The following LRRC4C variants were observed in gnomAD, a reference collection of about 807,000 sequenced individuals.
LRRC4C encodes the protein leucine-rich repeat-containing protein 4C.
LRRC4C carries 5 observed loss-of-function variants against 33.6 expected under a neutral mutation model. That is an observed-to-expected ratio of 0.15 (90% CI 0.08 to 0.31). The LOEUF (loss-of-function observed/expected upper bound fraction) is 0.31. Ranked by LOEUF, LRRC4C falls within the 10% of genes least tolerant of loss-of-function variation. The pLI is 1.00. For missense variants in LRRC4C, 560 were observed against 796.7 expected, an observed-to-expected ratio of 0.70 and a Z score of 3.58; for synonymous variants, 329 against 302.0, an observed-to-expected ratio of 1.09 and a Z score of -0.93.
chr11:40,510,686 C>T (rs1173276183), intron 3 of LRRC4C, among the ~76,000 whole-genome samples: 1 of 152,090 alleles, frequency 6.6e-6, no homozygotes, highest in African/African-American at 2.4e-5. Flanking sequence ...TAGCAACTCA[C>T]AATGTGAGTG....
At chr11:41,225,239 G>A (rs575300438) in intron 1 of LRRC4C, among the ~76,000 whole-genome samples, 83 of 152,122 alleles carry the variant, frequency 5.5e-4, no homozygotes, top group Non-Finnish European at 9.0e-4. Context: ...TAGCACAACA[G>A]GGTGACTATA....
In LRRC4C at chr11:40,552,143, C is replaced by T. The variant is rs976293180; in HGVS notation, c.-270+95999G>A. Reference sequence around the variant, plus strand: ...TTGGACTTCTCAGTCCCCACAAACACATAAGTCAATTTCTTAAAATGACTA... The same window carrying T: ...TTGGACTTCTCAGTCCCCACAAACATATAAGTCAATTTCTTAAAATGACTA... On this transcript the variant is annotated intron_variant, in intron 3 of 6. Transcript: ENST00000528697. Among the ~76,000 whole-genome samples the T allele has an allele frequency of 5.9e-5, 9 of 152,358 alleles. No individual in the cohort carries two copies. In the East Asian group the frequency reaches 1.7e-3, roughly 29 times the overall value.
intron 2 of LRRC4C, among the ~76,000 whole-genome samples, chr11:40,734,859 TC>T (rs1409243485): frequency 6.6e-6 from 1 of 151,930 alleles, no homozygotes; most frequent in African/African-American, 2.4e-5. Context: ...TGAGGGTGTT[TC>T]CAGAAGAGAT....
At chr11:41,271,161 A>G (rs1565535418) in intron 1 of LRRC4C, among the ~76,000 whole-genome samples, 1 of 152,214 alleles carries the variant, frequency 6.6e-6, no homozygotes. Context: ...GTTGCCTCAC[A>G]TACGGTAAAG....
intron 1 of LRRC4C, among the ~76,000 whole-genome samples, chr11:41,015,194 G>A (rs1855492197): frequency 1.3e-5 from 2 of 151,966 alleles, no homozygotes; most frequent in African/African-American, 4.8e-5. Flanking sequence ...AACTCTCTTA[G>A]ATTTAAAATA....
chr11:40,778,093 A>G (rs1197960295), intron 2 of LRRC4C, among the ~76,000 whole-genome samples: 1 of 152,030 alleles, frequency 6.6e-6, no homozygotes, highest in African/African-American at 2.4e-5. Flanking sequence ...TTTTCATCCT[A>G]TTGTGAAACT....
intron 1 of LRRC4C, among the ~76,000 whole-genome samples, chr11:41,125,667 T>C (rs1476093516): frequency 6.6e-6 from 1 of 152,194 alleles, no homozygotes; most frequent in African/African-American, 2.4e-5. Flanking sequence ...CATCCACATT[T>C]GAAACTGGTA....
chr11:40,612,695 A>G (rs1961356910), intron 3 of LRRC4C, among the ~76,000 whole-genome samples: 1 of 151,962 alleles, frequency 6.6e-6, no homozygotes, highest in Admixed American at 6.6e-5. Flanking sequence ...CCATATGCAC[A>G]TACACATATT....
intron 1 of LRRC4C, among the ~76,000 whole-genome samples, chr11:41,394,328 A>G (rs1020402206): frequency 6.6e-6 from 1 of 151,964 alleles, no homozygotes; most frequent in Non-Finnish European, 1.5e-5. Flanking sequence ...TCACTGCACT[A>G]TTAGAAAGGA....
chr11:41,052,497 T>A lies in LRRC4C; in HGVS notation c.-495-118774A>T, dbSNP rs185583126. Among the ~76,000 whole-genome samples the A allele has an allele frequency of 1.1e-4, 17 of 151,906 alleles. No individual in the cohort carries two copies. In the East Asian group the frequency reaches 2.9e-3, roughly 26 times the overall value. On this transcript the variant is annotated intron_variant, in intron 1 of 6. Transcript: ENST00000528697. ...TATGTTCCCGTCCATCTGCTTCCTT[T>A]ACATGGTCTCTGTTCACTTTCGTAT...
chr11:41,296,124 A>T (rs10837625), intron 1 of LRRC4C, among the ~76,000 whole-genome samples: 2 of 152,066 alleles, frequency 1.3e-5, no homozygotes, highest in Non-Finnish European at 2.9e-5. Context: ...ATATTTTACT[A>T]TGAATTGGCA....
chr11:40,825,004 G>A (rs2135497378), intron 2 of LRRC4C, among the ~76,000 whole-genome samples: 1 of 152,042 alleles, frequency 6.6e-6, no homozygotes, highest in East Asian at 1.9e-4. Context: ...GGCATTTCAA[G>A]CTGAAAGAGA....
intron 5 of LRRC4C, among the ~76,000 whole-genome samples, chr11:40,153,213 C>T (rs894938377): frequency 4.6e-5 from 7 of 152,160 alleles, no homozygotes; most frequent in African/African-American, 1.7e-4. Context: ...GTTTGGCTCA[C>T]AGGAAGCCAT....
chr11:40,628,641 A>G (rs1963190368), intron 3 of LRRC4C, among the ~76,000 whole-genome samples: 1 of 152,180 alleles, frequency 6.6e-6, no homozygotes, highest in African/African-American at 2.4e-5. Flanking sequence ...TAAATTGTCA[A>G]GTGTTGAGGT....
chr11:40,142,472 T>G (rs1857439400), intron 5 of LRRC4C, among the ~76,000 whole-genome samples: 1 of 151,930 alleles, frequency 6.6e-6, no homozygotes, highest in Non-Finnish European at 1.5e-5. Context: ...AAAGAAAAGG[T>G]GGGAGGTGAA....
At chr11:41,276,004 C>T (rs568975629) in intron 1 of LRRC4C, among the ~76,000 whole-genome samples, 3 of 152,006 alleles carry the variant, frequency 2.0e-5, no homozygotes, top group Non-Finnish European at 2.9e-5. Context: ...TGTTTGTACA[C>T]GTTGACAAGA....
In LRRC4C at chr11:40,431,102, A is replaced by AT. The variant is rs1254152878; in HGVS notation, c.-269-111382_-269-111381insA. ...CCCTAAAACTTAAAGTATAATAAAA[A>AT]AAAAAAAAAAAAATAAATTAAGCAC... is the stretch of plus-strand genomic sequence containing the variant. On this transcript the variant is annotated intron_variant, in intron 3 of 6. Transcript: ENST00000528697. Among the ~76,000 whole-genome samples, 34 of 60,734 alleles carry AT rather than the reference A, an allele frequency of 5.6e-4. No homozygotes were observed. In the South Asian group the frequency reaches 0.022, roughly 39 times the overall value. The allele number at this position is 60,734 out of a possible 152,430, so 39.8% of individuals were successfully genotyped here. A position where few individuals can be genotyped will look rare whatever the true frequency, so the allele number is the denominator to read the frequency against.
At chr11:40,873,159 G>C (rs1400955325) in intron 2 of LRRC4C, among the ~76,000 whole-genome samples, 3 of 152,068 alleles carry the variant, frequency 2.0e-5, no homozygotes, top group Admixed American at 1.3e-4. Context: ...TGGGCAAATT[G>C]CTTCCTCCAA....
At chr11:40,447,912 G>T (rs377117231) in intron 3 of LRRC4C, among the ~76,000 whole-genome samples, 17 of 152,268 alleles carry the variant, frequency 1.1e-4, no homozygotes, top group East Asian at 3.9e-4. Context: ...TGCCTTCCAG[G>T]TTCAAGAGAT....
Sources: allele counts gnomAD v4.1 joint callset (sites outside exome capture counted in the v4.1 genomes callset), GRCh38; gene constraint gnomAD v4.1.1; transcripts MANE v1.5; gene names NCBI Gene and HGNC (gene_info 2026-07-23, HGNC 2026-07-21).